Variants in RAD51B observed in about 807,000 individuals in gnomAD.
RAD51B encodes the protein RAD51 paralog B, also known as DNA repair protein RAD51 homolog 2.
In RAD51B, 38 loss-of-function variants were observed where a neutral mutation model predicts 42.2. The ratio of observed to expected loss-of-function variants is 0.90; its 90% CI spans 0.70 to 1.18. The LOEUF (loss-of-function observed/expected upper bound fraction) is 1.18. RAD51B is among the 50% of genes most tolerant of loss of function. The pLI is 0.00. For missense variants in RAD51B, 373 were observed against 400.7 expected (o/e 0.93, Z 0.59); for synonymous variants, 154 against 145.2 (o/e 1.06, Z -0.43).
intron 10 of RAD51B, among the ~76,000 whole-genome samples, chr14:68,592,513 A>C (rs1890799387): frequency 6.6e-6 from 1 of 152,204 alleles, no homozygotes; most frequent in Non-Finnish European, 1.5e-5. Context: ...AACTTTTCAA[A>C]TGAGAAAGCG....
chr14:68,593,109 G>A (rs772915541), intron 10 of RAD51B, among the ~76,000 whole-genome samples: 11 of 152,222 alleles, frequency 7.2e-5, no homozygotes, highest in Non-Finnish European at 1.5e-4. Flanking sequence ...AAGGGCTGGC[G>A]GAACTGGAAC....
At chr14:68,036,991 G>A (rs1262697149) in intron 7 of RAD51B, among the ~76,000 whole-genome samples, 1 of 148,736 alleles carries the variant, frequency 6.7e-6, no homozygotes, top group Non-Finnish European at 1.5e-5. Context: ...CATAATTGCT[G>A]ATTGGGAATT....
intron 8 of RAD51B, among the ~76,000 whole-genome samples, chr14:68,354,968 C>A (rs1047179798): frequency 2.0e-5 from 3 of 152,074 alleles, no homozygotes; most frequent in African/African-American, 7.2e-5. Context: ...AGAAGATAAT[C>A]CCAGTATTAG....
intron 7 of RAD51B, among the ~76,000 whole-genome samples, chr14:67,922,903 C>T (rs1487778850): frequency 3.3e-5 from 5 of 152,136 alleles, no homozygotes; most frequent in African/African-American, 9.7e-5. Flanking sequence ...TGTTGGCAGG[C>T]TGGTCTCAAG....
chr14:68,428,603 A>G (rs1456086459), intron 9 of RAD51B, among the ~76,000 whole-genome samples: 1 of 151,096 alleles, frequency 6.6e-6, no homozygotes, highest in Non-Finnish European at 1.5e-5. Flanking sequence ...TATTTTAGAT[A>G]CCTCGTAAGT....
chr14:68,005,973 G>C (rs1188952624), intron 7 of RAD51B, among the ~76,000 whole-genome samples: 4 of 152,164 alleles, frequency 2.6e-5, no homozygotes, highest in African/African-American at 9.7e-5. Flanking sequence ...AGGAGGAAGA[G>C]AGAGAGGAAG....
At chr14:68,314,103 G>A (rs138704630) in intron 8 of RAD51B, among the ~76,000 whole-genome samples, 394 of 152,260 alleles carry the variant, frequency 2.6e-3, no homozygotes, top group Admixed American at 4.8e-3. Flanking sequence ...TCTGGCTTGG[G>A]GAGGGTTTGA....
intron 7 of RAD51B, among the ~76,000 whole-genome samples, chr14:68,210,825 A>G (rs190610178): frequency 2.6e-5 from 4 of 152,168 alleles, no homozygotes; most frequent in African/African-American, 9.7e-5. Flanking sequence ...TGTTCACGAT[A>G]TGGTCGCCCA....
chr14:68,244,693 A>G (rs765718633), intron 7 of RAD51B, among the ~76,000 whole-genome samples: 4 of 152,230 alleles, frequency 2.6e-5, no homozygotes, highest in Admixed American at 6.5e-5. Context: ...AGGAATCGAA[A>G]CAAAAGATGG....
chr14:68,436,047 TG>T (rs1302255374), intron 9 of RAD51B, among the ~76,000 whole-genome samples: 1 of 152,182 alleles, frequency 6.6e-6, no homozygotes, highest in African/African-American at 2.4e-5. Context: ...TGTCAATTTT[TG>T]TTTTTGTTCC....
Position 68,246,808 on chromosome 14 carries a change from GAAGTA to G in RAD51B, c.757-45071_757-45067del, listed in dbSNP as rs141245013. ...CAAAGGGTGTTTTCAGAGCTAAGTGGAAGTAAAGTCTTTCTTTGCAATTTTGAAAG... is the reference window on the plus strand; with the variant it reads ...CAAAGGGTGTTTTCAGAGCTAAGTGGAAGTCTTTCTTTGCAATTTTGAAAG... On this transcript the variant is annotated intron_variant, in intron 7 of 10. Transcript: ENST00000471583. Among the ~76,000 whole-genome samples, 1,458 of 152,312 alleles carry G rather than the reference GAAGTA, an allele frequency of 9.6e-3. 23 individuals carry two copies. The highest frequency in any genetic ancestry group is 0.033 in the African/African-American group (1,378 of 41,560).
intron 7 of RAD51B, among the ~76,000 whole-genome samples, chr14:68,141,239 T>C (rs2078121640): frequency 6.6e-6 from 1 of 152,222 alleles, no homozygotes; most frequent in Non-Finnish European, 1.5e-5. Flanking sequence ...TGATAAGATG[T>C]TATGAGTTTA....
intron 7 of RAD51B, among the ~76,000 whole-genome samples, chr14:68,085,883 A>T (rs1031093310): frequency 5.3e-5 from 8 of 152,286 alleles, no homozygotes; most frequent in African/African-American, 1.9e-4. Flanking sequence ...GGGAGGCTAG[A>T]TGGGCAGGCT....
chr14:68,033,516 C>A (rs1209828959), intron 7 of RAD51B, among the ~76,000 whole-genome samples: 1 of 151,918 alleles, frequency 6.6e-6, no homozygotes, highest in African/African-American at 2.4e-5. Flanking sequence ...ATTTGGACAA[C>A]ATTTACATAG....
chr14:68,197,089 A>T (rs2079388294), intron 7 of RAD51B, among the ~76,000 whole-genome samples: 1 of 152,172 alleles, frequency 6.6e-6, no homozygotes. Context: ...GGAAGCAGAG[A>T]TATTATTCTT....
At chr14:68,536,437 A>G (rs1176820202) in intron 10 of RAD51B, among the ~76,000 whole-genome samples, 3 of 152,118 alleles carry the variant, frequency 2.0e-5, no homozygotes, top group African/African-American at 7.2e-5. Flanking sequence ...GTAAAACTGT[A>G]TTTCTTCTCC....
At chr14:68,180,612 G>A (rs2079044452) in intron 7 of RAD51B, among the ~76,000 whole-genome samples, 1 of 152,168 alleles carries the variant, frequency 6.6e-6, no homozygotes, top group South Asian at 2.1e-4. Context: ...CAGGCAAAAA[G>A]AGGCTAAGTA....
chr14:68,518,564 C>A (rs374423331), intron 10 of RAD51B, among the ~76,000 whole-genome samples: 32 of 136,914 alleles, frequency 2.3e-4, no homozygotes, highest in African/African-American at 6.8e-4. Context: ...GCCCCCCCCC[C>A]AGGCCTCCCC....
intron 9 of RAD51B, among the ~76,000 whole-genome samples, chr14:68,435,450 T>G (rs1049647496): frequency 1.3e-5 from 2 of 152,126 alleles, no homozygotes; most frequent in African/African-American, 4.8e-5. Context: ...TTTACTATTG[T>G]GAATAGTGCT....
Sources: gnomAD v4.1 joint callset for allele counts (sites outside exome capture counted in the v4.1 genomes callset) on GRCh38, gnomAD v4.1.1 for gene constraint, MANE v1.5 for transcripts, NCBI Gene and HGNC (gene_info 2026-07-23, HGNC 2026-07-21) for gene names.